The following KHDRBS2 variants were observed in gnomAD, a reference collection of about 807,000 sequenced individuals.
The protein encoded by KHDRBS2 is KH domain-containing, RNA-binding, signal transduction-associated protein 2.
In KHDRBS2, 26 loss-of-function variants were observed where a neutral mutation model predicts 44.3. That is an observed-to-expected ratio of 0.59 (90% CI 0.43 to 0.81). The LOEUF (loss-of-function observed/expected upper bound fraction) is 0.81, where lower values mean the gene tolerates loss of function less well. Among genes scored for constraint, KHDRBS2 ranks in the 40% least tolerant of loss-of-function variants. The pLI is 0.00. For missense variants in KHDRBS2, 476 were observed against 433.1 expected, an observed-to-expected ratio of 1.10 and a Z score of -0.88; for synonymous variants, 194 against 151.1, an observed-to-expected ratio of 1.28 and a Z score of -2.08.
intron 4 of KHDRBS2, among the ~76,000 whole-genome samples, chr6:61,933,869 C>A (rs1244917677): frequency 6.6e-6 from 1 of 152,018 alleles, no homozygotes. Context: ...TTTTAAGGAC[C>A]TTCCATATTA....
intron 2 of KHDRBS2, among the ~76,000 whole-genome samples, chr6:62,086,909 A>G (rs1216888683): frequency 1.3e-5 from 2 of 152,048 alleles, no homozygotes; most frequent in Non-Finnish European, 2.9e-5. Context: ...TACCAAGAGT[A>G]AAGTCAAAAT....
chr6:61,921,139 G>T (rs2127359257), intron 4 of KHDRBS2, among the ~76,000 whole-genome samples: 1 of 152,060 alleles, frequency 6.6e-6, no homozygotes, highest in Middle Eastern at 3.4e-3. Context: ...ATTCATTAGT[G>T]AAAACTGGTA....
intron 2 of KHDRBS2, among the ~76,000 whole-genome samples, chr6:62,048,589 T>C (rs1788271436): frequency 6.6e-6 from 1 of 151,942 alleles, no homozygotes; most frequent in Admixed American, 6.6e-5. Flanking sequence ...AGAGTTGTTT[T>C]AGTAAATAAA....
chr6:61,715,193 A>C (rs1292206955), intron 7 of KHDRBS2, among the ~76,000 whole-genome samples: 1 of 151,916 alleles, frequency 6.6e-6, no homozygotes, highest in Non-Finnish European at 1.5e-5. Flanking sequence ...AAAACAACGA[A>C]CGCATAGAAA....
At chr6:61,720,974 T>TC (rs1275370362) in intron 7 of KHDRBS2, among the ~76,000 whole-genome samples, 7 of 151,030 alleles carry the variant, frequency 4.6e-5, no homozygotes, top group Non-Finnish European at 1.0e-4. Flanking sequence ...AAGGAAGGGA[T>TC]CCAGTTTCAG....
chr6:61,892,529 G>C, intron 6 of KHDRBS2, among the ~76,000 whole-genome samples: 1 of 152,152 alleles, frequency 6.6e-6, no homozygotes, highest in Non-Finnish European at 1.5e-5. Context: ...AACCAAAACA[G>C]CATGGTACTG....
intron 4 of KHDRBS2, among the ~76,000 whole-genome samples, chr6:61,917,490 G>A (rs1807234212): frequency 1.3e-5 from 2 of 151,902 alleles, no homozygotes; most frequent in African/African-American, 2.4e-5. Flanking sequence ...GGGGTTAGGG[G>A]AAGGATGGAA....
the KHDRBS2 span, among the ~76,000 whole-genome samples, chr6:61,572,325 TA>T: frequency 6.6e-6 from 1 of 151,902 alleles, no homozygotes; most frequent in Admixed American, 6.6e-5. Flanking sequence ...GAATCAGTAA[TA>T]AAAACAATTG....
At chr6:61,753,890 AGT>A (rs1265085402) in intron 6 of KHDRBS2, among the ~76,000 whole-genome samples, 1 of 152,138 alleles carries the variant, frequency 6.6e-6, no homozygotes, top group African/African-American at 2.4e-5. Context: ...TACCATCAGA[AGT>A]GTCTTATAAG....
rs538256058 is a variant in KHDRBS2, at chr6:61,882,385, T to C, written c.810+12250A>G. On this transcript the variant is annotated intron_variant, in intron 6 of 8. Transcript: ENST00000281156. ...GGTACTGTTGAAGAATGAATGTGAA[T>C]ATGTGAAGAAAGATGAAAAAATAAA... Among the ~76,000 whole-genome samples the C allele has an allele frequency of 5.3e-5, 8 of 152,080 alleles. No individual in the cohort carries two copies. The South Asian group carries it at 1.7e-3, about 32-fold the overall frequency.
In KHDRBS2 at chr6:61,680,915, A is replaced by G; in HGVS notation, c.*48T>C. 2.5e-6 allele frequency: 3 copies of G among 1,213,742 alleles called. No individual in the cohort carries two copies. The highest frequency in any genetic ancestry group is 3.6e-6 in the Non-Finnish European group (3 of 826,048). 75.2% of individuals were successfully genotyped at this position (1,213,742 alleles called of 1,614,324 possible). On this transcript the variant is annotated 3_prime_UTR_variant, in exon 9 of 9. Transcript: ENST00000281156. ...TCTTGTTGCTGTTTATGTGGAGACCACAGGCTATGAATTGTCTTTGAGGTG... is the reference window on the plus strand; with the variant it reads ...TCTTGTTGCTGTTTATGTGGAGACCGCAGGCTATGAATTGTCTTTGAGGTG...
chr6:61,983,200 T>TTTTCTTTCTTTTCTTTCTTCC (rs553232983), intron 3 of KHDRBS2, among the ~76,000 whole-genome samples: 2 of 45,988 alleles, frequency 4.3e-5, no homozygotes, highest in Non-Finnish European at 7.6e-5. Flanking sequence ...GTTTTTTTCA[T>TTTTCTTTCTTTTCTTTCTTCC]TTTCTTTCTT....
chr6:62,066,532 T>C (rs1793769213), intron 2 of KHDRBS2, among the ~76,000 whole-genome samples: 1 of 151,744 alleles, frequency 6.6e-6, no homozygotes, highest in Non-Finnish European at 1.5e-5. Flanking sequence ...TAAGTAAATG[T>C]TTTGTTTAAA....
At chr6:61,763,767 T>C (rs1277390500) in intron 6 of KHDRBS2, among the ~76,000 whole-genome samples, 1 of 152,180 alleles carries the variant, frequency 6.6e-6, no homozygotes, top group Non-Finnish European at 1.5e-5. Context: ...CAATGACCAA[T>C]TGTGAATTTC....
At chr6:61,581,107 C>T in the KHDRBS2 span, among the ~76,000 whole-genome samples, 1 of 152,142 alleles carries the variant, frequency 6.6e-6, no homozygotes, top group Non-Finnish European at 1.5e-5. Context: ...CTTTTCTACT[C>T]ATCCCCAATA....
rs1177384778 is a variant in KHDRBS2 at position 61,757,446 on chromosome 6, A to C, written c.811-24682T>G. On this transcript the variant is annotated intron_variant, in intron 6 of 8. Coordinates refer to ENST00000281156, the MANE Select transcript of KHDRBS2 (RefSeq NM_152688.4). ...GTAGGTATACTTTTTTGCATCCTTT[A>C]TAATTAACTTATTATATCTTTAAGT... is the stretch of plus-strand genomic sequence containing the variant. Among the ~76,000 whole-genome samples the C allele has an allele frequency of 2.6e-5, 4 of 152,132 alleles. No individual in the cohort carries two copies. In the East Asian group the frequency reaches 7.7e-4, roughly 29 times the overall value.
At chr6:61,975,568 A>T (rs1342091700) in intron 4 of KHDRBS2, among the ~76,000 whole-genome samples, 1 of 151,958 alleles carries the variant, frequency 6.6e-6, no homozygotes, top group Non-Finnish European at 1.5e-5. Flanking sequence ...TGATGGGAAA[A>T]TTTACTAATA....
At chr6:61,598,524 A>C in the KHDRBS2 span, among the ~76,000 whole-genome samples, 1 of 152,198 alleles carries the variant, frequency 6.6e-6, no homozygotes, top group Non-Finnish European at 1.5e-5. Flanking sequence ...ACAGAAGATT[A>C]AAAGAGAAAG....
the KHDRBS2 span, among the ~76,000 whole-genome samples, chr6:61,653,271 C>T: frequency 1.8e-4 from 27 of 152,056 alleles, no homozygotes; most frequent in African/African-American, 6.3e-4. Flanking sequence ...CTCTGAAGTG[C>T]CTGTTTACCT....
Sources: allele counts gnomAD v4.1 joint callset (sites outside exome capture counted in the v4.1 genomes callset), GRCh38; gene constraint gnomAD v4.1.1; transcripts MANE v1.5; gene names NCBI Gene and HGNC (gene_info 2026-07-23, HGNC 2026-07-21).